DCAF8L2: variants seen among roughly 807,000 people sequenced by gnomAD.
DCAF8L2 encodes DDB1- and CUL4-associated factor 8-like protein 2.
For synonymous variants in DCAF8L2, 200 were observed against 190.9 expected (o/e 1.05, Z -0.39); for missense variants, 430 against 490.7 (o/e 0.88, Z 1.17).
chrX:27,497,730 G>A, the DCAF8L2 span, among the ~76,000 whole-genome samples: 4 of 110,825 alleles, frequency 3.6e-5, no homozygotes, highest in Admixed American at 9.6e-5. Context: ...CACCGCGCCC[G>A]GCTAATTTTT....
chrX:27,488,304 T>C, the DCAF8L2 span, among the ~76,000 whole-genome samples: 2 of 111,477 alleles, frequency 1.8e-5, no homozygotes, highest in African/African-American at 3.3e-5. Flanking sequence ...TTGAGCAAAA[T>C]GTCTACTAAA....
intron 1 of DCAF8L2, among the ~76,000 whole-genome samples, chrX:27,597,812 G>A (rs749729896): frequency 8.9e-6 from 1 of 112,230 alleles, no homozygotes; most frequent in East Asian, 2.8e-4. Context: ...TTACAGCCAC[G>A]CTACTTAGGT....
intron 1 of DCAF8L2, among the ~76,000 whole-genome samples, chrX:27,601,516 A>G (rs1432225723): frequency 1.8e-5 from 2 of 111,292 alleles, no homozygotes; most frequent in Non-Finnish European, 3.8e-5. Flanking sequence ...CCTGGCCAAC[A>G]TGGCAAAACC....
At chrX:27,730,736 AC>A (rs1377121158) in intron 4 of DCAF8L2, among the ~76,000 whole-genome samples, 1 of 106,407 alleles carries the variant, frequency 9.4e-6, no homozygotes, top group African/African-American at 3.5e-5. Context: ...AAAAAAAAAA[AC>A]TACTAAAGTT....
chrX:27,520,305 A>G, the DCAF8L2 span, among the ~76,000 whole-genome samples: 1 of 112,181 alleles, frequency 8.9e-6, no homozygotes, highest in African/African-American at 3.2e-5. Context: ...TTACATTGAG[A>G]GATTTAAAAA....
intron 3 of DCAF8L2, among the ~76,000 whole-genome samples, chrX:27,708,486 C>T (rs1240334508): frequency 8.9e-6 from 1 of 111,771 alleles, no homozygotes; most frequent in Non-Finnish European, 1.9e-5. Context: ...GGGAGTTTCG[C>T]CTTTCTGTCA....
At chrX:27,620,821 G>A (rs7054312) in intron 1 of DCAF8L2, among the ~76,000 whole-genome samples, 9,007 of 111,373 alleles carry the variant, frequency 0.081, 700 homozygotes, top group African/African-American at 0.24. Flanking sequence ...TTCTAGATAT[G>A]TACCCCAAAT....
At chrX:27,613,876 G>C (rs1927317528) in intron 1 of DCAF8L2, among the ~76,000 whole-genome samples, 1 of 111,375 alleles carries the variant, frequency 9.0e-6, no homozygotes, top group South Asian at 3.8e-4. Flanking sequence ...GAGGATGTTT[G>C]CATCGATGTT....
the DCAF8L2 span, among the ~76,000 whole-genome samples, chrX:27,514,701 A>C: frequency 1.0e-5 from 1 of 99,559 alleles, no homozygotes; most frequent in African/African-American, 4.1e-5. Flanking sequence ...AAAAACAAAA[A>C]AAAAAAACAG....
At chrX:27,511,802 A>AT in the DCAF8L2 span, among the ~76,000 whole-genome samples, 1 of 112,180 alleles carries the variant, frequency 8.9e-6, no homozygotes, top group African/African-American at 3.2e-5. Flanking sequence ...TGTAAAAACT[A>AT]TTTGCCAACT....
At chrX:27,704,173 T>TATACACACACACACACAC (rs757835089) in intron 3 of DCAF8L2, among the ~76,000 whole-genome samples, 9 of 44,276 alleles carry the variant, frequency 2.0e-4, no homozygotes, top group African/African-American at 1.3e-3. Flanking sequence ...TATATATATA[T>TATACACACACACACACAC]ACATATACAC....
chrX:27,597,233 C>G (rs1183783236), intron 1 of DCAF8L2, among the ~76,000 whole-genome samples: 1 of 111,492 alleles, frequency 9.0e-6, no homozygotes, highest in Admixed American at 9.6e-5. Flanking sequence ...AACTTTTTAG[C>G]AGATATAGGA....
chrX:27,613,888 A>G (rs1312450577), intron 1 of DCAF8L2, among the ~76,000 whole-genome samples: 2 of 111,504 alleles, frequency 1.8e-5, no homozygotes, highest in African/African-American at 6.5e-5. Flanking sequence ...ATCGATGTTC[A>G]TCACGGATAT....
chrX:27,491,390 G>C, the DCAF8L2 span, among the ~76,000 whole-genome samples: 1 of 111,876 alleles, frequency 8.9e-6, no homozygotes, highest in Non-Finnish European at 1.9e-5. Flanking sequence ...AATTTCTTTG[G>C]TAACATGGCT....
chrX:27,591,037 C>T (rs1450392580), intron 1 of DCAF8L2, among the ~76,000 whole-genome samples: 2 of 68,986 alleles, frequency 2.9e-5, no homozygotes, highest in African/African-American at 4.1e-5. Flanking sequence ...TGATAGGTTA[C>T]ATTACATTTT....
At chrX:27,590,965 T>A (rs1347637430) in intron 1 of DCAF8L2, among the ~76,000 whole-genome samples, 1 of 87,807 alleles carries the variant, frequency 1.1e-5, no homozygotes, top group Non-Finnish European at 2.2e-5. Flanking sequence ...ACATTTATGT[T>A]AAATGTTTAT....
At chrX:27,703,088 C>T (rs1434019346) in intron 3 of DCAF8L2, among the ~76,000 whole-genome samples, 2 of 111,202 alleles carry the variant, frequency 1.8e-5, no homozygotes, top group Non-Finnish European at 3.8e-5. Context: ...AAAACAATTA[C>T]ATTTACAATA....
the DCAF8L2 span, among the ~76,000 whole-genome samples, chrX:27,521,348 A>G: frequency 1.8e-5 from 2 of 112,464 alleles, no homozygotes; most frequent in East Asian, 5.6e-4. Flanking sequence ...ATTCAACTTC[A>G]ATTTTCAATC....
the DCAF8L2 span, among the ~76,000 whole-genome samples, chrX:27,486,206 A>G: frequency 1.8e-5 from 2 of 109,038 alleles, no homozygotes; most frequent in Non-Finnish European, 3.8e-5. Flanking sequence ...GGGTTTCACC[A>G]TGTTGGCCAG....
Sources: gnomAD v4.1 joint callset for allele counts (sites outside exome capture counted in the v4.1 genomes callset) on GRCh38, gnomAD v4.1.1 for gene constraint, MANE v1.5 for transcripts, NCBI Gene and HGNC (gene_info 2026-07-23, HGNC 2026-07-21) for gene names.